Variants in SRP54 observed in about 807,000 individuals in gnomAD.
SRP54 encodes signal recognition particle 54.
Under a neutral mutation model 64.8 loss-of-function variants are expected in SRP54, and 10 were observed. The observed-to-expected ratio is 0.15, with a 90% CI of 0.10 to 0.26. The LOEUF is 0.26. SRP54 is among the 10% of genes least tolerant of loss of function. The pLI is 1.00. For missense variants in SRP54, 325 were observed against 613.7 expected (o/e 0.53, Z 4.97); for synonymous variants, 193 against 185.6 (o/e 1.04, Z -0.32).
At chr14:35,001,101 TTAAA>T in intron 4 of SRP54, 81 bp downstream of exon 4, 1 of 551,110 alleles carries the variant, frequency 1.8e-6, no homozygotes, top group South Asian at 4.5e-5. Context: ...TTCAGAATTT[TTAAA>T]TATGTTTTTT....
At chr14:35,012,870 G>C (rs2044376634) in intron 8 of SRP54, among the ~76,000 whole-genome samples, 1 of 150,788 alleles carries the variant, frequency 6.6e-6, no homozygotes, top group South Asian at 2.1e-4. Flanking sequence ...GACCTAGATG[G>C]TACCTGATAA....
chr14:34,999,685 T>G (rs1293063047), intron 3 of SRP54, 36 bp downstream of exon 3: 8 of 1,446,260 alleles, frequency 5.5e-6, no homozygotes, highest in Non-Finnish European at 7.8e-6. Context: ...ACAGGCACAG[T>G]TTAGTTTAGT....
chr14:35,020,790 A>C (rs1218252018), intron 13 of SRP54, among the ~76,000 whole-genome samples: 1 of 152,166 alleles, frequency 6.6e-6, no homozygotes, highest in Non-Finnish European at 1.5e-5. Flanking sequence ...ATATTAATTC[A>C]TTTTATCATC....
intron 1 of SRP54, among the ~76,000 whole-genome samples, chr14:34,985,590 T>G (rs995816772): frequency 6.6e-6 from 1 of 152,202 alleles, no homozygotes; most frequent in Non-Finnish European, 1.5e-5. Flanking sequence ...CTTCAGTTTT[T>G]TCCCTCCAAT....
chr14:35,016,886 C>G (rs1158588748), intron 11 of SRP54, among the ~76,000 whole-genome samples: 1 of 122,044 alleles, frequency 8.2e-6, no homozygotes, highest in Non-Finnish European at 1.6e-5. Flanking sequence ...CAGAGTTTCA[C>G]TCTTGTTGCC....
chr14:34,988,193 G>C (rs2138959127), intron 1 of SRP54, among the ~76,000 whole-genome samples: 1 of 152,108 alleles, frequency 6.6e-6, no homozygotes, highest in East Asian at 1.9e-4. Context: ...TTTCCTTGGG[G>C]AATAAGTAGA....
At chr14:34,996,173 G>C (rs78626751) in intron 1 of SRP54, among the ~76,000 whole-genome samples, 1 of 152,070 alleles carries the variant, frequency 6.6e-6, no homozygotes, top group African/African-American at 2.4e-5. Context: ...CGATATAGCT[G>C]ATAGCTGAAC....
chr14:35,019,929 T>C (rs1286876972), intron 13 of SRP54, among the ~76,000 whole-genome samples: 2 of 152,228 alleles, frequency 1.3e-5, no homozygotes, highest in Admixed American at 6.5e-5. Flanking sequence ...ACGCCTGTAA[T>C]CCCAGCACTT....
chr14:34,989,256 A>T (rs957366328), intron 1 of SRP54, among the ~76,000 whole-genome samples: 1 of 152,196 alleles, frequency 6.6e-6, no homozygotes, highest in Non-Finnish European at 1.5e-5. Flanking sequence ...CTATAATCCG[A>T]GCACTTTGGG....
At chr14:34,991,260 C>G (rs1357332122) in intron 1 of SRP54, among the ~76,000 whole-genome samples, 1 of 149,150 alleles carries the variant, frequency 6.7e-6, no homozygotes, top group Non-Finnish European at 1.5e-5. Flanking sequence ...CTTCTGAGTA[C>G]CTGGGATTAC....
At chr14:34,988,223 C>G (rs1250492888) in intron 1 of SRP54, among the ~76,000 whole-genome samples, 3 of 151,862 alleles carry the variant, frequency 2.0e-5, no homozygotes, top group African/African-American at 7.3e-5. Flanking sequence ...AAAAACAGTT[C>G]CTAAATTTGA....
intron 15 of SRP54, 128 bp from the exon 16 acceptor site, chr14:35,028,933 G>C (rs889995769): frequency 1.4e-6 from 1 of 690,060 alleles, no homozygotes; most frequent in African/African-American, 1.8e-5. Flanking sequence ...CGTTCTTTAA[G>C]GCTGATGACT....
chr14:35,024,948 C>G (rs539969606), intron 14 of SRP54, among the ~76,000 whole-genome samples: 2 of 152,222 alleles, frequency 1.3e-5, no homozygotes, highest in African/African-American at 4.8e-5. Flanking sequence ...CCAGGCTGGT[C>G]TCAAACTCCC....
intron 13 of SRP54, among the ~76,000 whole-genome samples, chr14:35,020,260 C>T (rs914564706): frequency 6.6e-6 from 1 of 152,118 alleles, no homozygotes; most frequent in South Asian, 2.1e-4. Flanking sequence ...GCATTATAAT[C>T]TTTTTGCTGG....
intron 15 of SRP54, 29 bp downstream of exon 15, chr14:35,028,212 A>T: frequency 7.2e-7 from 1 of 1,395,852 alleles, no homozygotes; most frequent in South Asian, 1.2e-5. Context: ...GCAGTTGCTA[A>T]TGCAGTTTAA....
chr14:35,012,705 A>T (rs759341944), intron 8 of SRP54, among the ~76,000 whole-genome samples: 3 of 152,062 alleles, frequency 2.0e-5, no homozygotes, highest in Non-Finnish European at 4.4e-5. Context: ...TGACTACCTT[A>T]CTAGAAAATG....
chr14:35,001,080 A>G (rs1233431092), intron 4 of SRP54, 60 bp downstream of exon 4: 7 of 759,992 alleles, frequency 9.2e-6, no homozygotes, highest in Non-Finnish European at 1.4e-5. Flanking sequence ...AAGCGTTAGC[A>G]CTACAAATAT....
At chr14:35,011,178 A>G (rs1293837535) in intron 7 of SRP54, among the ~76,000 whole-genome samples, 1 of 151,618 alleles carries the variant, frequency 6.6e-6, no homozygotes, top group Non-Finnish European at 1.5e-5. Flanking sequence ...ATGCTTCCAA[A>G]TGGATGTTAA....
At chr14:35,009,725 A>G (rs961905893) in intron 7 of SRP54, among the ~76,000 whole-genome samples, 1 of 152,118 alleles carries the variant, frequency 6.6e-6, no homozygotes, top group African/African-American at 2.4e-5. Context: ...GGTATTTTTA[A>G]TATCAGGAAA....
Sources: gnomAD v4.1 joint callset for allele counts (sites outside exome capture counted in the v4.1 genomes callset) on GRCh38, gnomAD v4.1.1 for gene constraint, MANE v1.5 for transcripts, NCBI Gene and HGNC (gene_info 2026-07-23, HGNC 2026-07-21) for gene names.